The following PTPDC1 variants were observed in gnomAD, a reference collection of about 807,000 sequenced individuals.
The protein encoded by PTPDC1 is protein tyrosine phosphatase domain-containing protein 1.
In PTPDC1, 53 loss-of-function variants were observed where a neutral mutation model predicts 75.3. That is an observed-to-expected ratio of 0.70 (90% confidence interval 0.56 to 0.88). The LOEUF (loss-of-function observed/expected upper bound fraction) is 0.88, where lower values mean the gene tolerates loss of function less well. PTPDC1 is among the 40% of genes least tolerant of loss of function. PTPDC1 has a pLI of 0.00. For synonymous variants in PTPDC1, 349 were observed against 366.2 expected, an observed-to-expected ratio of 0.95 and a Z score of 0.54; for missense variants, 925 against 998.6, an observed-to-expected ratio of 0.93 and a Z score of 0.99.
chr9:94,097,966 C>G lies in PTPDC1; in HGVS notation c.1400C>G (p.Thr467Arg). The change falls in exon 6 of 9, where the codon ACA becomes AGA. Residue 467 changes from threonine to arginine, a missense_variant. Thr to Arg is a moderately conservative substitution (Grantham distance 71). Transcript: ENST00000620992. ...NLLEQGETPQ[T>R]VPAQILVGHK... The stretch of plus-strand genomic sequence containing the variant: ...CTGGAGCAAGGGGAGACTCCACAGA[C>G]AGTGCCTGCCCAGATCTTGGTTGGC... The G allele has an allele frequency of 1.2e-6, 2 of 1,614,210 alleles. No individual in the cohort carries two copies. Among genetic ancestry groups the G allele is most frequent in the Non-Finnish European group, 1.7e-6 (2 of 1,180,046 alleles).
intron 4 of PTPDC1, among the ~76,000 whole-genome samples, chr9:94,091,019 G>A (rs536287562): frequency 2.0e-4 from 31 of 152,108 alleles, no homozygotes; most frequent in Middle Eastern, 3.4e-3. Context: ...CAATCATGTC[G>A]TCTGCAAACA....
At chr9:94,058,562 C>G (rs1489967929) in intron 1 of PTPDC1, among the ~76,000 whole-genome samples, 2 of 148,022 alleles carry the variant, frequency 1.4e-5, no homozygotes, top group Non-Finnish European at 3.0e-5. Context: ...CAAAAATTAA[C>G]CGGGTGTAGT....
At chr9:94,053,107 G>C (rs186012020) in intron 1 of PTPDC1, among the ~76,000 whole-genome samples, 12 of 152,282 alleles carry the variant, frequency 7.9e-5, no homozygotes, top group Non-Finnish European at 1.5e-4. Context: ...AGTTCCTGCT[G>C]AAGTGTTGTT....
chr9:94,043,567 A>G (rs1379982575), intron 1 of PTPDC1, among the ~76,000 whole-genome samples: 1 of 152,170 alleles, frequency 6.6e-6, no homozygotes, highest in South Asian at 2.1e-4. Flanking sequence ...AAAAAATACA[A>G]TAAATGAGCC....
intron 2 of PTPDC1, among the ~76,000 whole-genome samples, chr9:94,073,703 C>T (rs1165934500): frequency 6.6e-6 from 1 of 152,020 alleles, no homozygotes; most frequent in Admixed American, 6.5e-5. Flanking sequence ...GAGATCTTTC[C>T]TCTCCTCTAA....
In PTPDC1 at chr9:94,084,624, C is replaced by A. The variant is rs1022877293; in HGVS notation, c.94C>A (p.Leu32Met). The A allele has an allele frequency of 5.0e-6, 8 of 1,613,570 alleles. No homozygotes were observed. The highest frequency in any genetic ancestry group is 1.7e-4 in the Middle Eastern group (1 of 6,048). ...GRRHSTSDPV[L>M]RLQQARRGSG... is the part of the protein sequence containing the mutation. The stretch of plus-strand genomic sequence containing the variant: ...CCGGCACTCCACCTCAGACCCAGTA[C>A]TGCGGCTGCAGCAGGCCCGGCGGGG... The change falls in exon 1 of 9, where the codon CTG becomes ATG. Residue 32 changes from leucine (L) to methionine (M), a missense_variant. Transcript: ENST00000620992.
intron 1 of PTPDC1, among the ~76,000 whole-genome samples, chr9:94,031,851 G>A (rs1829734232): frequency 6.6e-6 from 1 of 152,166 alleles, no homozygotes; most frequent in Non-Finnish European, 1.5e-5. Flanking sequence ...AGATGATCCT[G>A]CGATAGTTAT....
At position 94,051,914 on chromosome 9, in the gene PTPDC1, G is replaced by A. The variant is rs568154269; in HGVS notation, c.-6-12820G>A. Among the ~76,000 whole-genome samples, 23 of 151,886 alleles carry A rather than the reference G, an allele frequency of 1.5e-4. No individual in the cohort carries two copies. In the East Asian group the frequency reaches 1.9e-3, roughly 13 times the overall value. On this transcript the variant is annotated intron_variant, in intron 1 of 9. Coordinates refer to the PTPDC1 transcript ENST00000375360. ...TCCTTCTTGCTTTAGGTTTAAATTC[G>A]TTTTCCTTAGTTTCCCAAGGAGGAA...
chr9:94,098,058 C>G lies in PTPDC1; in HGVS notation c.1492C>G (p.His498Asp), dbSNP rs1325795382. Residue 498 changes from histidine (H) to aspartate (D), a missense_variant, in exon 6 of 9, where the codon CAC (histidine) becomes GAC (aspartate). Transcript: ENST00000620992. ...CCCACAGTCTCCAGAACCAGACTTA[C>G]ACAAGGAAGCCTTGGTTCGCAGCAC... ...YIPQSPEPDLHKEALVRSTLS... is the reference protein window; with the variant it reads ...YIPQSPEPDLDKEALVRSTLS... The G allele has an allele frequency of 3.1e-6, 5 of 1,614,206 alleles. No homozygotes were observed.
chr9:94,078,335 C>T (rs906656768), intron 2 of PTPDC1, among the ~76,000 whole-genome samples: 1 of 152,170 alleles, frequency 6.6e-6, no homozygotes, highest in Non-Finnish European at 1.5e-5. Context: ...TGTCGTTCCT[C>T]TACTTTCTGG....
chr9:94,101,853 C>A (rs1006077776), intron 7 of PTPDC1, 102 bp downstream of exon 7: 3 of 631,666 alleles, frequency 4.7e-6, no homozygotes, highest in African/African-American at 3.7e-5. Context: ...CACACAGAAT[C>A]CCAAATCTAG....
intron 2 of PTPDC1, among the ~76,000 whole-genome samples, chr9:94,073,185 A>G (rs187879325): frequency 2.0e-5 from 3 of 152,140 alleles, no homozygotes; most frequent in Admixed American, 2.0e-4. Flanking sequence ...TATTAATTCA[A>G]TTTCTTTAAT....
intron 4 of PTPDC1, among the ~76,000 whole-genome samples, chr9:94,091,443 A>T (rs1169690216): frequency 1.3e-5 from 2 of 152,044 alleles, no homozygotes; most frequent in African/African-American, 4.8e-5. Context: ...CCAGTTGATC[A>T]TGGTGGATAA....
intron 2 of PTPDC1, among the ~76,000 whole-genome samples, chr9:94,070,396 C>T (rs1424913961): frequency 6.6e-6 from 1 of 152,052 alleles, no homozygotes; most frequent in African/African-American, 2.4e-5. Flanking sequence ...GCTGGATGAC[C>T]CTTGCTTAGG....
chr9:94,046,112 C>G (rs1322546363), intron 1 of PTPDC1, among the ~76,000 whole-genome samples: 1 of 152,138 alleles, frequency 6.6e-6, no homozygotes, highest in Non-Finnish European at 1.5e-5. Context: ...ATCCTTTCCC[C>G]ATTGCTTGTT....
Position 94,104,391 on chromosome 9 carries a change from T to G in PTPDC1, c.2310+6T>G. On this transcript the variant is annotated splice_donor_region_variant and intron_variant, in intron 8 of 8. Transcript: ENST00000620992. ...CCATTAAGGCATTCACTAAGGTGGG[T>G]CATACTCTTCCTTTCCCCTCTCTGA... 1 of 1,579,116 alleles carries G rather than the reference T, an allele frequency of 6.3e-7. No homozygotes were observed.
Position 94,107,863 on chromosome 9 carries a change from C to T in PTPDC1, c.2346C>T (p.Tyr782=). ...ATTCTGAAAATGGACCAACAGTTTACAACACCCTGAAGAAAATATTTAAGC... is the reference window on the plus strand; with the variant it reads ...ATTCTGAAAATGGACCAACAGTTTATAACACCCTGAAGAAAATATTTAAGC... ...NFDSENGPTV[Y]NTLKKIFKHT... The change falls in exon 9 of 9, where the codon TAC becomes TAT. Residue 782 remains tyrosine (Y), a synonymous_variant. Coordinates refer to ENST00000620992, the MANE Select transcript of PTPDC1 (RefSeq NM_001253829.2). 6.2e-7 allele frequency: 1 copy of T among 1,609,098 alleles called. No individual in the cohort carries two copies. Among genetic ancestry groups the T allele is most frequent in the East Asian group, 2.2e-5 (1 of 44,464 alleles).
intron 2 of PTPDC1, among the ~76,000 whole-genome samples, chr9:94,078,160 A>G (rs2117938764): frequency 6.6e-6 from 1 of 152,238 alleles, no homozygotes; most frequent in South Asian, 2.1e-4. Flanking sequence ...ACTTGCTTTT[A>G]ATCTGAAGAA....
upstream of PTPDC1, among the ~76,000 whole-genome samples, chr9:94,082,334 G>A (rs1826911552): frequency 6.6e-6 from 1 of 152,210 alleles, no homozygotes; most frequent in African/African-American, 2.4e-5. Flanking sequence ...ATTGTTCTAT[G>A]ACTTTAGGAA....
Sources: gnomAD v4.1 joint callset for allele counts (sites outside exome capture counted in the v4.1 genomes callset) on GRCh38, gnomAD v4.1.1 for gene constraint, MANE v1.5 for transcripts, NCBI Gene and HGNC (gene_info 2026-07-23, HGNC 2026-07-21) for gene names.